RGS3: variants seen among roughly 807,000 people sequenced by gnomAD.
RGS3 encodes regulator of G-protein signalling 3.
Under a neutral mutation model 132.6 loss-of-function variants are expected in RGS3, and 80 were observed. The observed-to-expected ratio is 0.60, with a 90% CI of 0.50 to 0.73. The LOEUF (loss-of-function observed/expected upper bound fraction) is 0.73, where lower values mean the gene tolerates loss of function less well. RGS3 is among the 30% of genes least tolerant of loss of function. The probability of loss-of-function intolerance (pLI) is 0.00; values close to 1 mark genes in which losing one functional copy is unlikely to be tolerated. For synonymous variants in RGS3, 598 were observed against 620.6 expected (o/e 0.96, Z 0.54); for missense variants, 1,382 against 1,530.8 (o/e 0.90, Z 1.62).
intron 18 of RGS3, among the ~76,000 whole-genome samples, chr9:113,531,273 T>C (rs1832452747): frequency 6.6e-6 from 1 of 152,188 alleles, no homozygotes; most frequent in African/African-American, 2.4e-5. Context: ...CATGGGCACA[T>C]TGGTCAGGGA....
chr9:113,507,192 T>C lies in RGS3; in HGVS notation c.1086-95T>C. ...CTTCCCCTCTGGTGTCTGCCTCCTC[T>C]TCCCCCATTATCCTCTCTGCCCTGT... is the stretch of plus-strand genomic sequence containing the variant. On this transcript the variant is annotated intron_variant, in intron 12 of 24. Coordinates refer to ENST00000350696, the Ensembl canonical transcript of RGS3. This position sits in a 1 kb window ranked among gnomAD's most constrained non-coding sequence, Gnocchi z 5.0. The C allele has an allele frequency of 1.0e-6, 1 of 997,194 alleles. No individual in the cohort carries two copies. Among genetic ancestry groups the C allele is most frequent in the Non-Finnish European group, 1.5e-6 (1 of 677,226 alleles). The allele number at this position is 997,194 out of a possible 1,614,324, so 61.8% of individuals were successfully genotyped here.
intron 19 of RGS3, among the ~76,000 whole-genome samples, chr9:113,559,163 C>T (rs1833689796): frequency 6.6e-6 from 1 of 152,250 alleles, no homozygotes; most frequent in South Asian, 2.1e-4. Flanking sequence ...AGGTCACAGG[C>T]CTGGCCTCCC....
Position 113,594,381 on chromosome 9 carries a change from G to A in RGS3, c.3081-49G>A, listed in dbSNP as rs550146486. On this transcript the variant is annotated intron_variant, in intron 21 of 24. Coordinates refer to ENST00000350696, the Ensembl canonical transcript of RGS3. ...AGCTCTCCCGACTCTGGATTTGCAG[G>A]GGCGAGTGGGCCAGGCTGAGCAACC... 1.9e-5 allele frequency: 30 copies of A among 1,604,950 alleles called. No individual in the cohort carries two copies. In the South Asian group the frequency reaches 3.3e-4, roughly 18 times the overall value.
chr9:113,546,924 G>A (rs1195652941), intron 19 of RGS3, among the ~76,000 whole-genome samples: 5 of 152,192 alleles, frequency 3.3e-5, no homozygotes, highest in Non-Finnish European at 7.3e-5. Flanking sequence ...TGAGCAAATT[G>A]CTTCACATCT....
intron 21 of RGS3, chr9:113,593,891 C>G: frequency 6.4e-7 from 1 of 1,565,208 alleles, no homozygotes; most frequent in South Asian, 1.2e-5. Context: ...GACTTGTCCC[C>G]CACCCCCCAC....
At chr9:113,452,989 A>C (rs1274189375) in intron 1 of RGS3, among the ~76,000 whole-genome samples, 1 of 134,336 alleles carries the variant, frequency 7.4e-6, no homozygotes, top group African/African-American at 2.8e-5. Flanking sequence ...CATAATATAT[A>C]ATATATAAAT....
At chr9:113,531,220 C>T (rs1466978628) in intron 18 of RGS3, among the ~76,000 whole-genome samples, 1 of 152,230 alleles carries the variant, frequency 6.6e-6, no homozygotes, top group Non-Finnish European at 1.5e-5. Context: ...ATGCAGCCCA[C>T]AATTGGCTTC....
chr9:113,473,929 G>T (rs1329598519), intron 3 of RGS3, among the ~76,000 whole-genome samples: 1 of 152,124 alleles, frequency 6.6e-6, no homozygotes, highest in Non-Finnish European at 1.5e-5. Flanking sequence ...AGGATGTTTG[G>T]ATCTGAGCCC....
intron 20 of RGS3, among the ~76,000 whole-genome samples, chr9:113,589,563 T>G (rs1835304744): frequency 6.6e-6 from 1 of 152,018 alleles, no homozygotes; most frequent in African/African-American, 2.4e-5. Context: ...CCCAGGCCCA[T>G]TGTGTGGAGC....
chr9:113,558,033 AG>A (rs758751098), intron 19 of RGS3, among the ~76,000 whole-genome samples: 6 of 152,212 alleles, frequency 3.9e-5, no homozygotes, highest in Non-Finnish European at 8.8e-5. Context: ...GTCGAGAGGC[AG>A]GGAGCAGTGT....
chr9:113,586,595 G>C (rs1439034767), intron 20 of RGS3, among the ~76,000 whole-genome samples: 3 of 152,172 alleles, frequency 2.0e-5, no homozygotes, highest in African/African-American at 7.2e-5. Flanking sequence ...GACATCAGAG[G>C]CTGCCCCCAG....
At position 113,485,694 on chromosome 9, in the gene RGS3, G is replaced by A. The variant is rs201088715; in HGVS notation, c.689+1G>A. ...TGTGGAACAGGGCCAGCCAGTCCAG[G>A]TGAGGAGAGCTGCTGAGCTGGAGGG... On this transcript the variant is annotated splice_donor_variant, in intron 7 of 24. Transcript: ENST00000350696. LOFTEE classifies it high-confidence loss of function. The A allele has an allele frequency of 1.8e-5, 28 of 1,585,782 alleles. No homozygotes were observed. The highest frequency in any genetic ancestry group is 2.2e-5 in the Non-Finnish European group (26 of 1,165,752).
At position 113,495,705 on chromosome 9, in the gene RGS3, A is replaced by G. The variant is rs548783214; in HGVS notation, c.690-81A>G. 2.1e-4 allele frequency: 241 copies of G among 1,150,926 alleles called. No homozygotes were observed. The African/African-American group carries it at 3.4e-3, about 16-fold the overall frequency. The allele number at this position is 1,150,926 out of a possible 1,614,324, so 71.3% of individuals were successfully genotyped here. On this transcript the variant is annotated intron_variant, in intron 7 of 24. Transcript: ENST00000350696. ...TTTGTAAACCACAGTGCATCAGGCA[A>G]ACCCATGCTATACTTGATAATGGAC...
At chr9:113,532,868 A>G (rs1275127666) in intron 18 of RGS3, among the ~76,000 whole-genome samples, 1 of 152,120 alleles carries the variant, frequency 6.6e-6, no homozygotes, top group African/African-American at 2.4e-5. Context: ...GTTATACAAA[A>G]AGCTGCCAGC....
At chr9:113,446,257 T>C (rs1270708982) in intron 1 of RGS3, among the ~76,000 whole-genome samples, 1 of 152,246 alleles carries the variant, frequency 6.6e-6, no homozygotes, top group Non-Finnish European at 1.5e-5. Flanking sequence ...TGTCCTTGTA[T>C]ATATGCATTT....
At chr9:113,489,148 G>A (rs1317097905) in intron 7 of RGS3, among the ~76,000 whole-genome samples, 4 of 152,198 alleles carry the variant, frequency 2.6e-5, no homozygotes, top group Admixed American at 6.5e-5. Context: ...TATGAAAGCC[G>A]AGGCACTTGC....
chr9:113,541,607 T>C lies in RGS3; in HGVS notation c.2037+4689T>C, dbSNP rs566481413. On this transcript the variant is annotated intron_variant, in intron 19 of 24. Transcript: ENST00000350696. ...GATGTCAACAGAAGGACCACAATGG[T>C]GTGAGAGGCCTTGTGGGCATGCAGA... is the stretch of plus-strand genomic sequence containing the variant. 103 of 1,290,474 alleles carry C rather than the reference T, an allele frequency of 8.0e-5. No homozygotes were observed. The African/African-American group carries it at 1.1e-3, about 14-fold the overall frequency. 79.9% of individuals were successfully genotyped at this position (1,290,474 alleles called of 1,614,324 possible). A position where few individuals can be genotyped will look rare whatever the true frequency, so the allele number is the denominator to read the frequency against.
chr9:113,566,112 G>T (rs1833999734), intron 19 of RGS3, among the ~76,000 whole-genome samples: 1 of 152,172 alleles, frequency 6.6e-6, no homozygotes, highest in Non-Finnish European at 1.5e-5. Flanking sequence ...ATTGTATCAG[G>T]GGTGCTGGCC....
At chr9:113,555,741 A>AAC (rs1833540487) in intron 19 of RGS3, among the ~76,000 whole-genome samples, 1 of 152,044 alleles carries the variant, frequency 6.6e-6, no homozygotes, top group Non-Finnish European at 1.5e-5. Flanking sequence ...CTGGGATTAC[A>AAC]GGCGTGAGCC....
Sources: gnomAD v4.1 joint callset for allele counts (sites outside exome capture counted in the v4.1 genomes callset) on GRCh38, gnomAD v4.1.1 for gene constraint, Gnocchi (gnomAD v3.1) non-coding constraint, MANE v1.5 for transcripts, NCBI Gene and HGNC (gene_info 2026-07-23, HGNC 2026-07-21) for gene names.